DZANK1: variants seen among roughly 807,000 people sequenced by gnomAD.
The protein encoded by DZANK1 is double zinc ribbon and ankyrin repeat-containing protein 1.
A neutral mutation model predicts 94.5 loss-of-function variants in DZANK1; 91 were observed. The observed-to-expected ratio is 0.96, with a 90% CI of 0.81 to 1.15. The LOEUF is 1.15. DZANK1 is among the 50% of genes most tolerant of loss of function. DZANK1 has a pLI of 0.00. For synonymous variants in DZANK1, 312 were observed against 325.3 expected (o/e 0.96, Z 0.44); for missense variants, 903 against 916.4 (o/e 0.99, Z 0.19).
chr20:18,411,390 G>A (rs899751771), intron 13 of DZANK1, among the ~76,000 whole-genome samples: 2 of 152,092 alleles, frequency 1.3e-5, no homozygotes, highest in Non-Finnish European at 2.9e-5. Context: ...TTAATCAGAT[G>A]AAATAGATAA....
At chr20:18,465,063 A>G (rs1902269127) in intron 2 of DZANK1, among the ~76,000 whole-genome samples, 187 bp downstream of exon 2, 1 of 152,202 alleles carries the variant, frequency 6.6e-6, no homozygotes, top group South Asian at 2.1e-4. Context: ...AACCATTTTA[A>G]TCTAAATGTA....
chr20:18,425,787 G>A (rs2058015028), intron 10 of DZANK1, among the ~76,000 whole-genome samples: 1 of 152,146 alleles, frequency 6.6e-6, no homozygotes, highest in South Asian at 2.1e-4. Flanking sequence ...TACACACACA[G>A]GCAGACACAG....
intron 10 of DZANK1, among the ~76,000 whole-genome samples, chr20:18,417,747 T>C (rs533279513): frequency 1.2e-4 from 19 of 152,222 alleles, no homozygotes; most frequent in African/African-American, 4.6e-4. Context: ...AATGATAGCA[T>C]AAGACCATAA....
chr20:18,452,003 A>T (rs771934925), intron 6 of DZANK1: 1 of 506,696 alleles, frequency 2.0e-6, no homozygotes, highest in South Asian at 1.4e-5. Flanking sequence ...TAGAATTCAA[A>T]CTTCTTACGG....
At position 18,440,063 on chromosome 20, in the gene DZANK1, G is replaced by GGTTGTGT. The variant is rs879388987; in HGVS notation, c.747+3283_747+3284insACACAAC. Among the ~76,000 whole-genome samples, 11 of 152,290 alleles carry GGTTGTGT rather than the reference G, an allele frequency of 7.2e-5. No homozygotes were observed. In the East Asian group the frequency reaches 2.1e-3, roughly 29 times the overall value. ...AGACACCAGGGTTGTGTACCCAGAGGAAAGGCCAAGTAAGGACACATCAGG... is the reference window on the plus strand; with the variant it reads ...AGACACCAGGGTTGTGTACCCAGAGGGTTGTGTAAAGGCCAAGTAAGGACACATCAGG... On this transcript the variant is annotated intron_variant, in intron 8 of 20. Transcript: ENST00000262547.
chr20:18,437,559 G>A (rs955549589), intron 8 of DZANK1, among the ~76,000 whole-genome samples: 13 of 151,940 alleles, frequency 8.6e-5, no homozygotes, highest in Non-Finnish European at 1.9e-4. Context: ...CTCCAGCCTG[G>A]ATGACAGAGG....
chr20:18,433,345 C>A, intron 9 of DZANK1: 1 of 298,334 alleles, frequency 3.4e-6, no homozygotes, highest in South Asian at 3.3e-5. Context: ...AGTTTGAGAC[C>A]AGCCTGGCCA....
chr20:18,441,337 A>C lies in DZANK1; in HGVS notation c.747+2010T>G, dbSNP rs1028308363. On this transcript the variant is annotated intron_variant, in intron 8 of 20. Coordinates refer to ENST00000262547, the Ensembl canonical transcript of DZANK1. This position sits in a 1 kb window ranked among gnomAD's most constrained non-coding sequence, Gnocchi z 4.1. ...AAGACCAAACCACTTCCAAAATCCC[A>C]TTTCCCAGTTTATTTCCTGGGACCA... 6.6e-6 allele frequency among the ~76,000 whole-genome samples: 1 copy of C among 152,074 alleles called. No individual in the cohort carries two copies. Among genetic ancestry groups the C allele is most frequent in the Non-Finnish European group, 1.5e-5 (1 of 68,018 alleles).
intron 19 of DZANK1, among the ~76,000 whole-genome samples, chr20:18,389,377 A>C (rs2048706919): frequency 6.6e-6 from 1 of 152,194 alleles, no homozygotes. Context: ...TGTTTTCACG[A>C]TTCATGATGA....
intron 13 of DZANK1, among the ~76,000 whole-genome samples, chr20:18,403,925 G>A (rs1354766998): frequency 1.4e-5 from 2 of 148,026 alleles, no homozygotes; most frequent in African/African-American, 5.0e-5. Flanking sequence ...TCAGACTCCC[G>A]AGTAGCTAGG....
intron 1 of DZANK1, among the ~76,000 whole-genome samples, chr20:18,465,980 C>T (rs889863362): frequency 4.6e-5 from 7 of 152,312 alleles, no homozygotes; most frequent in African/African-American, 1.7e-4. Context: ...GACCAATAAA[C>T]ACAAGCCTCC....
exon 21 of DZANK1, chr20:18,384,523 G>C (rs1362069555): frequency 6.2e-7 from 1 of 1,610,126 alleles, no homozygotes; most frequent in Non-Finnish European, 8.5e-7. Flanking sequence ...GTCGTATGCT[G>C]TCTGGCCTCC....
At chr20:18,415,283 G>GGT in intron 11 of DZANK1, 44 bp downstream of exon 11, 2 of 1,416,018 alleles carry the variant, frequency 1.4e-6, no homozygotes, top group Non-Finnish European at 1.9e-6. Context: ...CCAGGCCAGT[G>GGT]GTGAGGTGCT....
At chr20:18,446,056 C>G (rs546740984) in intron 7 of DZANK1, among the ~76,000 whole-genome samples, 5 of 143,726 alleles carry the variant, frequency 3.5e-5, no homozygotes, top group Non-Finnish European at 6.1e-5. Flanking sequence ...TGGGCCACCA[C>G]GCCCAGCCAA....
intron 11 of DZANK1, 98 bp from the exon 12 acceptor site, chr20:18,414,610 G>A: frequency 7.2e-7 from 1 of 1,382,082 alleles, no homozygotes; most frequent in South Asian, 1.4e-5. Flanking sequence ...CAGACTCTCT[G>A]ACCCAGCCAT....
rs556048987 is a variant in DZANK1, at chr20:18,458,350, G to A, written c.263+1803C>T. Among the ~76,000 whole-genome samples the A allele has an allele frequency of 6.6e-5, 10 of 152,238 alleles. No individual in the cohort carries two copies. In the East Asian group the frequency reaches 1.9e-3, roughly 29 times the overall value. ...TAAACAGGGAAATTTAGCCACCTAT[G>A]AGTCACTCCAGCCAGTGAACATGCA... On this transcript the variant is annotated intron_variant, in intron 3 of 20. Coordinates refer to ENST00000262547, the Ensembl canonical transcript of DZANK1.
chr20:18,460,042 T>G (rs2059420452), intron 3 of DZANK1, 111 bp downstream of exon 3: 1 of 791,848 alleles, frequency 1.3e-6, no homozygotes, highest in Non-Finnish European at 1.8e-6. Context: ...AAATAATGTT[T>G]CAGTAGTGTC....
At chr20:18,412,938 A>G in intron 12 of DZANK1, 85 bp from the exon 13 acceptor site, 1 of 1,236,860 alleles carries the variant, frequency 8.1e-7, no homozygotes, top group Non-Finnish European at 1.1e-6. Context: ...AACTCTAATC[A>G]GAATAAAAAG....
chr20:18,411,486 G>C (rs1200765873), intron 13 of DZANK1, among the ~76,000 whole-genome samples: 1 of 152,058 alleles, frequency 6.6e-6, no homozygotes, highest in Non-Finnish European at 1.5e-5. Flanking sequence ...AGAGTAATCA[G>C]AATTGCCCAC....
Sources: gnomAD v4.1 joint callset for allele counts (sites outside exome capture counted in the v4.1 genomes callset) on GRCh38, gnomAD v4.1.1 for gene constraint, Gnocchi (gnomAD v3.1) non-coding constraint, MANE v1.5 for transcripts, NCBI Gene and HGNC (gene_info 2026-07-23, HGNC 2026-07-21) for gene names.